Variants in RSPO2 observed in about 807,000 individuals in gnomAD.
RSPO2 encodes R-spondin 2.
Under a neutral mutation model 30.9 loss-of-function variants are expected in RSPO2, and 14 were observed. The ratio of observed to expected loss-of-function variants is 0.45; its 90% CI spans 0.30 to 0.71. The LOEUF is 0.71. Among genes scored for constraint, RSPO2 ranks in the 30% least tolerant of loss-of-function variants. RSPO2 has a pLI of 0.08. For synonymous variants in RSPO2, 107 were observed against 96.4 expected (o/e 1.11, Z -0.64); for missense variants, 264 against 301.9 (o/e 0.87, Z 0.93).
intron 5 of RSPO2, among the ~76,000 whole-genome samples, chr8:107,903,301 T>C (rs1811536295): frequency 6.6e-6 from 1 of 152,122 alleles, no homozygotes; most frequent in Non-Finnish European, 1.5e-5. Context: ...ATTTTAATAC[T>C]GAATATATGT....
intron 3 of RSPO2, among the ~76,000 whole-genome samples, chr8:107,972,076 A>G (rs928096048): frequency 1.3e-5 from 2 of 152,140 alleles, no homozygotes; most frequent in African/African-American, 4.8e-5. Flanking sequence ...GCCTGACATG[A>G]CAGATGATGA....
At chr8:108,045,822 T>C (rs1811893304) in intron 2 of RSPO2, among the ~76,000 whole-genome samples, 1 of 152,170 alleles carries the variant, frequency 6.6e-6, no homozygotes, top group Admixed American at 6.5e-5. Flanking sequence ...GCTAACTGTT[T>C]ACTGCATTCA....
At chr8:108,033,569 G>A (rs191247883) in intron 2 of RSPO2, among the ~76,000 whole-genome samples, 3 of 152,328 alleles carry the variant, frequency 2.0e-5, no homozygotes, top group East Asian at 3.9e-4. Context: ...AGAGACTGAG[G>A]TGCCATATGG....
intron 5 of RSPO2, among the ~76,000 whole-genome samples, chr8:107,928,052 A>G (rs1238606276): frequency 6.6e-6 from 1 of 152,162 alleles, no homozygotes. Context: ...TCTGCTCTAT[A>G]TATATGCCTT....
chr8:108,014,295 A>C (rs1458380893), intron 2 of RSPO2, among the ~76,000 whole-genome samples: 1 of 152,190 alleles, frequency 6.6e-6, no homozygotes, highest in Non-Finnish European at 1.5e-5. Context: ...CGATTCCTCA[A>C]GGATCTAGAA....
At chr8:107,935,050 AG>A (rs1216095031) in intron 5 of RSPO2, among the ~76,000 whole-genome samples, 1 of 152,194 alleles carries the variant, frequency 6.6e-6, no homozygotes, top group East Asian at 1.9e-4. Flanking sequence ...TGCGATTTTC[AG>A]GGAACAAGGG....
chr8:108,078,813 T>C (rs1813094968), intron 2 of RSPO2, among the ~76,000 whole-genome samples: 1 of 152,168 alleles, frequency 6.6e-6, no homozygotes, highest in Non-Finnish European at 1.5e-5. Flanking sequence ...ACCAGAAACA[T>C]GAATTATACA....
At chr8:107,954,604 AT>A (rs1373360264) in intron 5 of RSPO2, among the ~76,000 whole-genome samples, 27 of 35,386 alleles carry the variant, frequency 7.6e-4, no homozygotes, top group East Asian at 2.1e-3. Flanking sequence ...TTATTTATTT[AT>A]TTTATTTATT....
intron 2 of RSPO2, among the ~76,000 whole-genome samples, chr8:108,029,913 T>G (rs998426138): frequency 6.6e-5 from 10 of 152,158 alleles, no homozygotes; most frequent in Admixed American, 2.6e-4. Context: ...AAGATAAAGA[T>G]AGTCCTTGTC....
intron 2 of RSPO2, among the ~76,000 whole-genome samples, chr8:108,055,159 T>A (rs1812204507): frequency 6.6e-6 from 1 of 152,072 alleles, no homozygotes; most frequent in African/African-American, 2.4e-5. Flanking sequence ...AAAAATGTGC[T>A]GCTTTAGATA....
At chr8:108,080,093 C>A (rs554859116) in intron 2 of RSPO2, among the ~76,000 whole-genome samples, 1 of 152,288 alleles carries the variant, frequency 6.6e-6, no homozygotes, top group African/African-American at 2.4e-5. Context: ...TGAAGAGGGA[C>A]AATTCACACA....
chr8:107,950,520 C>A (rs1813208629), intron 5 of RSPO2, among the ~76,000 whole-genome samples: 1 of 148,548 alleles, frequency 6.7e-6, no homozygotes, highest in African/African-American at 2.5e-5. Context: ...TATCTTATGT[C>A]TTTGTACATT....
intron 2 of RSPO2, among the ~76,000 whole-genome samples, chr8:108,062,644 A>G (rs971234149): frequency 7.2e-5 from 11 of 152,022 alleles, no homozygotes; most frequent in African/African-American, 2.7e-4. Context: ...AACTATTCCA[A>G]TCAACAGAAA....
chr8:107,912,606 G>T (rs1418712893), intron 5 of RSPO2, among the ~76,000 whole-genome samples: 1 of 152,168 alleles, frequency 6.6e-6, no homozygotes, highest in Non-Finnish European at 1.5e-5. Flanking sequence ...TCATGAACAG[G>T]TTCTTTTTAA....
intron 2 of RSPO2, among the ~76,000 whole-genome samples, chr8:108,047,170 T>A (rs1401455266): frequency 6.6e-6 from 1 of 152,220 alleles, no homozygotes. Context: ...ACCTTCCTGC[T>A]CTTCATTATA....
At chr8:107,930,313 T>A (rs1812513387) in intron 5 of RSPO2, among the ~76,000 whole-genome samples, 1 of 152,198 alleles carries the variant, frequency 6.6e-6, no homozygotes, top group Non-Finnish European at 1.5e-5. Flanking sequence ...TGTATTTCCT[T>A]GGTTATATAA....
chr8:107,944,937 C>T (rs1813009458), intron 5 of RSPO2, among the ~76,000 whole-genome samples: 1 of 151,976 alleles, frequency 6.6e-6, no homozygotes, highest in South Asian at 2.1e-4. Context: ...CTCTCCAAAC[C>T]CTGAGAAAAT....
chr8:108,034,345 T>C (rs868675680), intron 2 of RSPO2, among the ~76,000 whole-genome samples: 7 of 152,152 alleles, frequency 4.6e-5, no homozygotes, highest in Admixed American at 4.6e-4. Flanking sequence ...GTCTGAGAAA[T>C]TTGGTTACGG....
intron 2 of RSPO2, among the ~76,000 whole-genome samples, chr8:107,992,754 G>T (rs1010919242): frequency 2.6e-5 from 4 of 152,064 alleles, no homozygotes; most frequent in African/African-American, 9.7e-5. Context: ...ATAAAACTTT[G>T]ACTGACAGCA....
Sources: allele counts gnomAD v4.1 joint callset (sites outside exome capture counted in the v4.1 genomes callset), GRCh38; gene constraint gnomAD v4.1.1; transcripts MANE v1.5; gene names NCBI Gene and HGNC (gene_info 2026-07-23, HGNC 2026-07-21).